The following HTR7 variants were observed in gnomAD, a reference collection of about 807,000 sequenced individuals.
HTR7 encodes the protein 5-hydroxytryptamine receptor 7, also known as 5-HT-7.
In HTR7, 16 loss-of-function variants were observed where a neutral mutation model predicts 34.0. The observed-to-expected ratio is 0.47, with a 90% CI of 0.32 to 0.71. The LOEUF (loss-of-function observed/expected upper bound fraction) is 0.71. Ranked by LOEUF, HTR7 falls within the 30% of genes least tolerant of loss-of-function variation. The pLI, the probability that HTR7 is intolerant of heterozygous loss-of-function variation, is 0.04. For missense variants in HTR7, 504 were observed against 625.5 expected (o/e 0.81, Z 2.07); for synonymous variants, 265 against 260.2 (o/e 1.02, Z -0.18).
intron 1 of HTR7, among the ~76,000 whole-genome samples, chr10:90,759,442 TC>T (rs1844895219): frequency 5.4e-5 from 8 of 148,568 alleles, no homozygotes; most frequent in Admixed American, 5.3e-4. Context: ...GATCATGAGG[TC>T]AGGAGATCGA....
At chr10:90,797,948 G>A (rs1046925420) in intron 1 of HTR7, among the ~76,000 whole-genome samples, 1 of 152,226 alleles carries the variant, frequency 6.6e-6, no homozygotes, top group Non-Finnish European at 1.5e-5. Flanking sequence ...GAGAGCATAA[G>A]AGGGTAAAAG....
intron 1 of HTR7, among the ~76,000 whole-genome samples, chr10:90,853,470 C>CT (rs1221280291): frequency 2.4e-3 from 338 of 142,082 alleles, no homozygotes; most frequent in Non-Finnish European, 3.4e-3. Flanking sequence ...CTTTTCTTTT[C>CT]TTTTTTTTTT....
At chr10:90,809,654 G>A (rs185645071) in intron 1 of HTR7, among the ~76,000 whole-genome samples, 3 of 152,298 alleles carry the variant, frequency 2.0e-5, no homozygotes, top group Admixed American at 1.3e-4. Context: ...CTGAACCGCA[G>A]CGGCCAGGCG....
chr10:90,748,802 TG>T, intron 2 of HTR7, 36 bp downstream of exon 2: 3 of 1,567,786 alleles, frequency 1.9e-6, no homozygotes, highest in Non-Finnish European at 2.6e-6. Context: ...TAAAAGGGTT[TG>T]GGGGATAAAA....
chr10:90,840,394 G>A (rs535295053), intron 1 of HTR7, among the ~76,000 whole-genome samples: 10 of 152,116 alleles, frequency 6.6e-5, no homozygotes, highest in Non-Finnish European at 1.3e-4. Context: ...GAATGACACT[G>A]GAAAGGAGTA....
intron 1 of HTR7, among the ~76,000 whole-genome samples, chr10:90,854,456 A>G (rs1048839900): frequency 6.6e-6 from 1 of 152,206 alleles, no homozygotes; most frequent in African/African-American, 2.4e-5. Context: ...AGGTGGGGAG[A>G]TGGAATATAA....
chr10:90,756,945 C>T (rs779060132), intron 1 of HTR7, among the ~76,000 whole-genome samples: 1 of 152,002 alleles, frequency 6.6e-6, no homozygotes, highest in Non-Finnish European at 1.5e-5. Flanking sequence ...ATAGTAATGA[C>T]CCCTGAATTA....
chr10:90,771,131 C>T (rs185353870), intron 1 of HTR7, among the ~76,000 whole-genome samples: 5 of 152,088 alleles, frequency 3.3e-5, no homozygotes, highest in African/African-American at 9.7e-5. Flanking sequence ...GGGAGCCAAA[C>T]ACTTGTTGGG....
chr10:90,825,915 G>A (rs1316731772), intron 1 of HTR7, among the ~76,000 whole-genome samples: 4 of 152,162 alleles, frequency 2.6e-5, no homozygotes, highest in Non-Finnish European at 5.9e-5. Flanking sequence ...AAGAGGAAGT[G>A]GAGAGAGAGA....
At chr10:90,767,657 T>A (rs1460414175) in intron 1 of HTR7, among the ~76,000 whole-genome samples, 1 of 152,136 alleles carries the variant, frequency 6.6e-6, no homozygotes, top group African/African-American at 2.4e-5. Flanking sequence ...GGCTGACCCT[T>A]AAGAGATGTG....
rs574816791 is a variant in HTR7, at chr10:90,801,612, T to G, written c.540-52018A>C. On this transcript the variant is annotated intron_variant, in intron 1 of 3. Coordinates refer to ENST00000336152, the MANE Select transcript of HTR7 (RefSeq NM_019859.4). ...TAATCTGCCTTTTGTGAGTTAATTT[T>G]TCAGCAAAACTTCAGAGGGTCAAGG... Among the ~76,000 whole-genome samples the G allele has an allele frequency of 7.2e-5, 11 of 152,352 alleles. 1 individual carries two copies. In the South Asian group the frequency reaches 2.3e-3, roughly 32 times the overall value.
At chr10:90,745,699 C>T (rs1844621959) in intron 2 of HTR7, among the ~76,000 whole-genome samples, 1 of 152,180 alleles carries the variant, frequency 6.6e-6, no homozygotes, top group African/African-American at 2.4e-5. Context: ...GAGAGAAATG[C>T]AAAGAAGATA....
chr10:90,775,280 T>C (rs926445599), intron 1 of HTR7, among the ~76,000 whole-genome samples: 6 of 152,196 alleles, frequency 3.9e-5, no homozygotes, highest in Admixed American at 1.3e-4. Context: ...CAAATCATCA[T>C]CCTTGGTGAT....
chr10:90,787,256 A>C (rs1024713754), intron 1 of HTR7, among the ~76,000 whole-genome samples: 1 of 152,130 alleles, frequency 6.6e-6, no homozygotes. Flanking sequence ...TTGGGAGGCC[A>C]AGGTGGGTGG....
chr10:90,794,614 C>T (rs148827719), intron 1 of HTR7, among the ~76,000 whole-genome samples: 1 of 152,282 alleles, frequency 6.6e-6, no homozygotes, highest in East Asian at 1.9e-4. Flanking sequence ...AAGTCTCTCA[C>T]CTCAGCCTCC....
chr10:90,798,901 G>T (rs557678215), intron 1 of HTR7, among the ~76,000 whole-genome samples: 1 of 152,260 alleles, frequency 6.6e-6, no homozygotes, highest in South Asian at 2.1e-4. Context: ...CCGCCTTCTT[G>T]CCCGAGAACT....
At chr10:90,769,371 T>A (rs1845072295) in intron 1 of HTR7, among the ~76,000 whole-genome samples, 1 of 152,224 alleles carries the variant, frequency 6.6e-6, no homozygotes, top group Admixed American at 6.5e-5. Context: ...TTACTTTTGA[T>A]AATTGTTAAT....
chr10:90,819,322 C>A (rs1322853266), intron 1 of HTR7, among the ~76,000 whole-genome samples: 1 of 152,062 alleles, frequency 6.6e-6, no homozygotes, highest in East Asian at 1.9e-4. Context: ...AGCTGCTAAA[C>A]AATAAAAACT....
intron 1 of HTR7, among the ~76,000 whole-genome samples, chr10:90,801,494 C>T (rs1379026789): frequency 6.6e-6 from 1 of 152,200 alleles, no homozygotes; most frequent in African/African-American, 2.4e-5. Context: ...CAGACCTTCC[C>T]TAATTTGGAT....
Sources: gnomAD v4.1 joint callset for allele counts (sites outside exome capture counted in the v4.1 genomes callset) on GRCh38, gnomAD v4.1.1 for gene constraint, MANE v1.5 for transcripts, NCBI Gene and HGNC (gene_info 2026-07-23, HGNC 2026-07-21) for gene names.